The following TDRP variants were observed in gnomAD, a reference collection of about 807,000 sequenced individuals.
TDRP encodes the protein testis development-related protein.
TDRP carries 12 observed loss-of-function variants against 10.5 expected under a neutral mutation model. The ratio of observed to expected loss-of-function variants is 1.15; its 90% CI spans 0.73 to 1.86. The LOEUF (loss-of-function observed/expected upper bound fraction) is 1.86, where lower values mean the gene tolerates loss of function less well. Ranked by LOEUF, TDRP falls within the 40% of genes most tolerant of loss-of-function variation. The pLI, the probability that TDRP is intolerant of heterozygous loss-of-function variation, is 0.00. For synonymous variants in TDRP, 139 were observed against 95.4 expected, an observed-to-expected ratio of 1.46 and a Z score of -2.67; for missense variants, 353 against 229.2, an observed-to-expected ratio of 1.54 and a Z score of -3.49.
intron 1 of TDRP, among the ~76,000 whole-genome samples, chr8:529,475 T>C (rs1451912347): frequency 6.6e-6 from 1 of 152,234 alleles, no homozygotes; most frequent in Admixed American, 6.5e-5. Context: ...AGTTTTTTCA[T>C]ATACTTTTAT....
At chr8:528,995 C>G (rs984022034) in intron 1 of TDRP, among the ~76,000 whole-genome samples, 3 of 152,134 alleles carry the variant, frequency 2.0e-5, no homozygotes, top group African/African-American at 7.2e-5. Flanking sequence ...TGTTTGAGGG[C>G]AGGAAGCATC....
rs369120891 is a variant in TDRP at position 514,771 on chromosome 8, A to G, written c.109-20174T>C. On this transcript the variant is annotated intron_variant, in intron 1 of 2. Coordinates refer to ENST00000324079, the MANE Select transcript of TDRP (RefSeq NM_001384899.1). ...ATTCCAGCTCTATAGGGGAAGGCCC[A>G]CCCGAGAAGCAACGGGAACATGTGT... 1.3e-3 allele frequency among the ~76,000 whole-genome samples: 191 copies of G among 152,128 alleles called. 1 individual carries two copies. The highest frequency in any genetic ancestry group is 4.4e-3 in the African/African-American group (183 of 41,504).
At chr8:525,736 T>A in intron 1 of TDRP, among the ~76,000 whole-genome samples, 1 of 151,134 alleles carries the variant, frequency 6.6e-6, no homozygotes. Context: ...CAAGAGAAAA[T>A]CACCGACGGG....
At chr8:511,557 G>A (rs1055978974) in intron 1 of TDRP, among the ~76,000 whole-genome samples, 1 of 152,118 alleles carries the variant, frequency 6.6e-6, no homozygotes, top group Admixed American at 6.5e-5. Context: ...ATGGATAGAA[G>A]ATTAACAACA....
chr8:509,278 A>C (rs1801547595), intron 1 of TDRP, among the ~76,000 whole-genome samples: 1 of 151,636 alleles, frequency 6.6e-6, no homozygotes, highest in African/African-American at 2.4e-5. Context: ...CCCAGAGGGG[A>C]CTCTCTGTGG....
At chr8:535,682 C>A (rs568163949) in intron 1 of TDRP, among the ~76,000 whole-genome samples, 1 of 152,062 alleles carries the variant, frequency 6.6e-6, no homozygotes, top group South Asian at 2.1e-4. Context: ...AGAAGACAGA[C>A]TGCAGGGCCT....
Position 490,121 on chromosome 8 carries a change from AACC to A in TDRP, c.*2275_*2277del. On this transcript the variant is annotated 3_prime_UTR_variant, in exon 3 of 3. Transcript: ENST00000324079. ...ACACAATTCAAACACCCAGAATCAA[AACC>A]ACATTCTCCCATTAACTTGTGAAGA... is the stretch of plus-strand genomic sequence containing the variant. The A allele has an allele frequency of 6.6e-6, 1 of 152,360 alleles. No individual in the cohort carries two copies. The highest frequency in any genetic ancestry group is 2.1e-4 in the South Asian group (1 of 4,826). 9.4% of individuals were successfully genotyped at this position (152,360 alleles called of 1,614,324 possible). A position where few individuals can be genotyped will look rare whatever the true frequency, so the allele number is the denominator to read the frequency against.
intron 1 of TDRP, among the ~76,000 whole-genome samples, chr8:540,670 A>C (rs1302070846): frequency 6.6e-6 from 1 of 152,206 alleles, no homozygotes; most frequent in Non-Finnish European, 1.5e-5. Context: ...CATAGCCTAA[A>C]AAGATTCTCA....
chr8:527,950 C>G (rs1232321827), intron 1 of TDRP, among the ~76,000 whole-genome samples: 3 of 151,904 alleles, frequency 2.0e-5, no homozygotes, highest in Non-Finnish European at 4.4e-5. Flanking sequence ...AGCAAAGGGA[C>G]CAATCAACAA....
At chr8:511,583 C>T (rs1223891296) in intron 1 of TDRP, among the ~76,000 whole-genome samples, 1 of 152,112 alleles carries the variant, frequency 6.6e-6, no homozygotes, top group African/African-American at 2.4e-5. Context: ...TGTGGAAAAA[C>T]ACTACAAACT....
intron 1 of TDRP, among the ~76,000 whole-genome samples, chr8:541,815 C>G (rs929556600): frequency 6.6e-6 from 1 of 152,192 alleles, no homozygotes; most frequent in African/African-American, 2.4e-5. Flanking sequence ...GGAGTGCAAA[C>G]TGGTGCAGCC....
intron 1 of TDRP, among the ~76,000 whole-genome samples, chr8:517,493 T>C (rs1801788986): frequency 6.6e-6 from 1 of 152,174 alleles, no homozygotes; most frequent in Non-Finnish European, 1.5e-5. Flanking sequence ...ACCTCCTTTA[T>C]CTTAACCCCA....
At chr8:524,295 T>A (rs4735854) in intron 1 of TDRP, among the ~76,000 whole-genome samples, 15,276 of 152,032 alleles carry the variant, frequency 0.1, 885 homozygotes, top group South Asian at 0.15. Flanking sequence ...CCAAGTCCCT[T>A]TGAATACTTG....
chr8:501,396 G>T (rs985163556), intron 1 of TDRP, among the ~76,000 whole-genome samples: 1 of 151,712 alleles, frequency 6.6e-6, no homozygotes, highest in East Asian at 2.0e-4. Flanking sequence ...GCCCAGGCTG[G>T]AGTGCAGTGG....
At chr8:496,024 GGATAGGAGTAT>G (rs1801122414) in intron 1 of TDRP, among the ~76,000 whole-genome samples, 1 of 152,170 alleles carries the variant, frequency 6.6e-6, no homozygotes, top group African/African-American at 2.4e-5. Context: ...TCAGATACTG[GGATAGGAGTAT>G]GATGGCAGTA....
intron 1 of TDRP, among the ~76,000 whole-genome samples, chr8:496,706 T>C (rs1801145847): frequency 6.6e-6 from 1 of 152,162 alleles, no homozygotes; most frequent in Non-Finnish European, 1.5e-5. Context: ...GTCCTAAAGG[T>C]GTGATACGGT....
At chr8:517,353 C>A (rs1271772804) in intron 1 of TDRP, among the ~76,000 whole-genome samples, 1 of 152,196 alleles carries the variant, frequency 6.6e-6, no homozygotes, top group South Asian at 2.1e-4. Flanking sequence ...CCATCCCTTC[C>A]CAGGTCTTTT....
At chr8:522,309 A>C (rs1801926547) in intron 1 of TDRP, among the ~76,000 whole-genome samples, 1 of 152,236 alleles carries the variant, frequency 6.6e-6, no homozygotes, top group Non-Finnish European at 1.5e-5. Flanking sequence ...AAGAAATTAA[A>C]GACTGTGTAA....
At chr8:520,539 A>G (rs1306296522) in intron 1 of TDRP, among the ~76,000 whole-genome samples, 1 of 152,204 alleles carries the variant, frequency 6.6e-6, no homozygotes, top group Non-Finnish European at 1.5e-5. Flanking sequence ...CACAGCAGCT[A>G]AATCATTGTT....
Sources: gnomAD v4.1 joint callset for allele counts (sites outside exome capture counted in the v4.1 genomes callset) on GRCh38, gnomAD v4.1.1 for gene constraint, MANE v1.5 for transcripts, NCBI Gene and HGNC (gene_info 2026-07-23, HGNC 2026-07-21) for gene names.